The following CA10 variants were observed in gnomAD, a reference collection of about 807,000 sequenced individuals.
CA10 encodes carbonic anhydrase-related protein 10.
In CA10, 14 loss-of-function variants were observed where a neutral mutation model predicts 44.2. That is an observed-to-expected ratio of 0.32 (90% CI 0.21 to 0.50). CA10 has a LOEUF of 0.50. CA10 is among the 20% of genes least tolerant of loss of function. CA10 has a pLI of 0.99. For synonymous variants in CA10, 159 were observed against 141.6 expected, an observed-to-expected ratio of 1.12 and a Z score of -0.87; for missense variants, 350 against 409.7, an observed-to-expected ratio of 0.85 and a Z score of 1.26.
At chr17:51,857,101 T>C (rs991516885) in intron 3 of CA10, among the ~76,000 whole-genome samples, 4 of 152,190 alleles carry the variant, frequency 2.6e-5, no homozygotes, top group African/African-American at 4.8e-5. Context: ...TTTAAAACAT[T>C]ATCATCATCC....
At chr17:51,702,605 G>C (rs1915639301) in intron 4 of CA10, among the ~76,000 whole-genome samples, 1 of 152,184 alleles carries the variant, frequency 6.6e-6, no homozygotes. Flanking sequence ...GCCTTTCTCT[G>C]CCTGGGGAGA....
At chr17:51,820,461 C>A (rs547616413) in intron 3 of CA10, among the ~76,000 whole-genome samples, 2 of 132,300 alleles carry the variant, frequency 1.5e-5, no homozygotes, top group East Asian at 5.2e-4. Context: ...CTAGTTTGAA[C>A]CTGTTCTCTC....
chr17:51,894,971 T>TA (rs1176615570), intron 3 of CA10, among the ~76,000 whole-genome samples: 3 of 152,024 alleles, frequency 2.0e-5, no homozygotes, highest in African/African-American at 2.4e-5. Flanking sequence ...GGCAAAATTG[T>TA]AAAAAAATTG....
chr17:51,722,324 C>T (rs1916373973), intron 4 of CA10, among the ~76,000 whole-genome samples: 1 of 152,052 alleles, frequency 6.6e-6, no homozygotes, highest in African/African-American at 2.4e-5. Context: ...CTTCAATGAT[C>T]TGGCCTAATT....
chr17:51,990,346 C>G (rs1984995981), intron 2 of CA10, among the ~76,000 whole-genome samples: 1 of 152,036 alleles, frequency 6.6e-6, no homozygotes, highest in African/African-American at 2.4e-5. Context: ...ATCACTGTGT[C>G]TATCATTTCA....
intron 2 of CA10, among the ~76,000 whole-genome samples, chr17:52,007,005 G>A (rs1598163005): frequency 6.6e-6 from 1 of 151,372 alleles, no homozygotes; most frequent in African/African-American, 2.4e-5. Context: ...CATAGTTAGA[G>A]GTTCCTTGTA....
At chr17:51,768,644 A>G (rs1376930442) in intron 3 of CA10, among the ~76,000 whole-genome samples, 1 of 152,178 alleles carries the variant, frequency 6.6e-6, no homozygotes, top group African/African-American at 2.4e-5. Context: ...TCCTGGCACT[A>G]TATCAAGTCC....
At chr17:51,984,478 AC>A (rs1309345727) in intron 2 of CA10, among the ~76,000 whole-genome samples, 1 of 151,862 alleles carries the variant, frequency 6.6e-6, no homozygotes, top group East Asian at 1.9e-4. Context: ...CCAAACCCAA[AC>A]CCAACAGAAA....
At chr17:51,691,096 A>G (rs1417837143) in intron 4 of CA10, among the ~76,000 whole-genome samples, 1 of 152,228 alleles carries the variant, frequency 6.6e-6, no homozygotes, top group Non-Finnish European at 1.5e-5. Context: ...TATATACAGT[A>G]CAGGGATTCC....
chr17:51,823,004 A>G (rs1262662964), intron 3 of CA10, among the ~76,000 whole-genome samples: 1 of 152,132 alleles, frequency 6.6e-6, no homozygotes, highest in Non-Finnish European at 1.5e-5. Context: ...AATCCACTAG[A>G]GGTTTTATCA....
At chr17:51,949,753 G>A (rs1983414308) in intron 2 of CA10, among the ~76,000 whole-genome samples, 1 of 152,126 alleles carries the variant, frequency 6.6e-6, no homozygotes, top group Admixed American at 6.5e-5. Context: ...TAAGGGTGAT[G>A]TTCCATAGAG....
intron 3 of CA10, among the ~76,000 whole-genome samples, chr17:51,909,992 G>A (rs1201307708): frequency 6.6e-6 from 1 of 152,040 alleles, no homozygotes; most frequent in Non-Finnish European, 1.5e-5. Flanking sequence ...ATGTTGCCCT[G>A]CACTGCTTGC....
At chr17:52,048,411 A>G (rs1022295422) in intron 2 of CA10, among the ~76,000 whole-genome samples, 1 of 152,060 alleles carries the variant, frequency 6.6e-6, no homozygotes, top group African/African-American at 2.4e-5. Context: ...GGCACCGTGC[A>G]GGCAGTATAG....
intron 3 of CA10, among the ~76,000 whole-genome samples, chr17:51,754,285 AGTGT>A (rs60269292): frequency 0.11 from 15,876 of 140,790 alleles, 1,525 homozygotes; most frequent in African/African-American, 0.26. Flanking sequence ...GAAACAGAAT[AGTGT>A]GTGTGTGTGT....
At chr17:51,889,790 T>C (rs1333338298) in intron 3 of CA10, among the ~76,000 whole-genome samples, 2 of 152,234 alleles carry the variant, frequency 1.3e-5, no homozygotes, top group East Asian at 3.8e-4. Flanking sequence ...CCTGCATGTA[T>C]GAAAACAAGG....
intron 2 of CA10, among the ~76,000 whole-genome samples, chr17:51,958,437 C>T (rs1983750523): frequency 6.6e-6 from 1 of 152,006 alleles, no homozygotes; most frequent in Admixed American, 6.6e-5. Context: ...GGATTCATTA[C>T]CTTTCCTAGA....
At chr17:51,689,652 T>A (rs1040041252) in intron 4 of CA10, among the ~76,000 whole-genome samples, 3 of 152,204 alleles carry the variant, frequency 2.0e-5, no homozygotes, top group African/African-American at 7.2e-5. Context: ...CAGTGACAAT[T>A]TCCAGTATAG....
intron 4 of CA10, among the ~76,000 whole-genome samples, chr17:51,659,706 A>C (rs998629945): frequency 1.3e-5 from 2 of 152,308 alleles, no homozygotes; most frequent in South Asian, 4.1e-4. Context: ...CAGCAGAAAC[A>C]ACTCATTTAA....
intron 1 of CA10, among the ~76,000 whole-genome samples, chr17:52,076,194 T>C (rs1468042314): frequency 6.6e-6 from 1 of 152,204 alleles, no homozygotes; most frequent in African/African-American, 2.4e-5. Flanking sequence ...TCAGTCGAAC[T>C]GAAATATCAA....
Sources: allele counts gnomAD v4.1 joint callset (sites outside exome capture counted in the v4.1 genomes callset), GRCh38; gene constraint gnomAD v4.1.1; transcripts MANE v1.5; gene names NCBI Gene and HGNC (gene_info 2026-07-23, HGNC 2026-07-21).